Variants in SMIM23 observed in about 807,000 individuals in gnomAD.
The protein encoded by SMIM23 is small integral membrane protein 23, also known as CTB-78H18.1.
In SMIM23, 10 loss-of-function variants were observed where a neutral mutation model predicts 12.8. The ratio of observed to expected loss-of-function variants is 0.78; its 90% CI spans 0.48 to 1.32. The LOEUF (loss-of-function observed/expected upper bound fraction) is 1.32, where lower values mean the gene tolerates loss of function less well. Among genes scored for constraint, SMIM23 ranks in the 40% most tolerant of loss-of-function variants. SMIM23 has a pLI of 0.00. For synonymous variants in SMIM23, 78 were observed against 80.1 expected, an observed-to-expected ratio of 0.97 and a Z score of 0.14; for missense variants, 184 against 198.2, an observed-to-expected ratio of 0.93 and a Z score of 0.43.
At chr5:171,789,037 G>T (rs768831211) in intron 1 of SMIM23, among the ~76,000 whole-genome samples, 20 of 152,150 alleles carry the variant, frequency 1.3e-4, no homozygotes, top group South Asian at 1.0e-3. Context: ...ACGGGGTTTC[G>T]CCATGTTGGC....
the SMIM23 span, among the ~76,000 whole-genome samples, chr5:171,777,089 A>T: frequency 1.3e-5 from 2 of 151,548 alleles, no homozygotes; most frequent in African/African-American, 4.9e-5. Flanking sequence ...CTCAGAGCCC[A>T]AAGTATTCTG....
At chr5:171,781,541 C>A (rs1003661095), upstream of SMIM23, among the ~76,000 whole-genome samples, 16 of 149,694 alleles carry the variant, frequency 1.1e-4, no homozygotes, top group Admixed American at 9.9e-4. Flanking sequence ...AGAAGTGCCC[C>A]CCCCCGTCTC....
At position 171,790,881 on chromosome 5, in the gene SMIM23, G is replaced by A. The variant is rs575616528; in HGVS notation, c.312G>A (p.Ser104=). 2.7e-5 allele frequency: 42 copies of A among 1,536,038 alleles called. No homozygotes were observed. Among genetic ancestry groups the A allele is most frequent in the Admixed American group, 7.8e-5 (4 of 50,980 alleles). The change falls in exon 4 of 4, where the codon TCG becomes TCA. Residue 104 remains serine (S), a synonymous_variant. Transcript: ENST00000523047. ...TGAAGGAGAAGTTGCATGTCTTCTCGGAGAAGTTAGAGGAAGAGGTGCAGC... is the reference window on the plus strand; with the variant it reads ...TGAAGGAGAAGTTGCATGTCTTCTCAGAGAAGTTAGAGGAAGAGGTGCAGC... ...NWLKEKLHVF[S]EKLEEEVQQL... is the part of the protein sequence containing the mutation.
At chr5:171,774,875 T>C in the SMIM23 span, 1 of 329,828 alleles carries the variant, frequency 3.0e-6, no homozygotes, top group Non-Finnish European at 5.9e-6. Flanking sequence ...TTTATTAACG[T>C]GGCCTGAAAT....
At chr5:171,784,005 C>T (rs1202640385), upstream of SMIM23, among the ~76,000 whole-genome samples, 1 of 151,852 alleles carries the variant, frequency 6.6e-6, no homozygotes, top group Non-Finnish European at 1.5e-5. Flanking sequence ...ACTTTGGGAG[C>T]CCGAGGTGGG....
chr5:171,781,817 G>A (rs13362394), upstream of SMIM23, among the ~76,000 whole-genome samples: 10,100 of 152,194 alleles, frequency 0.066, 851 homozygotes, highest in African/African-American at 0.19. Flanking sequence ...GAAATTTTCT[G>A]TCTAGCTAGA....
the SMIM23 span, among the ~76,000 whole-genome samples, chr5:171,772,655 C>T: frequency 2.6e-5 from 4 of 152,146 alleles, no homozygotes; most frequent in Non-Finnish European, 5.9e-5. Context: ...AGCGAGGCAG[C>T]GAGACTCCTG....
chr5:171,787,779 C>A (rs1315840302), intron 1 of SMIM23, among the ~76,000 whole-genome samples: 1 of 152,230 alleles, frequency 6.6e-6, no homozygotes, highest in Non-Finnish European at 1.5e-5. Flanking sequence ...TGGCATCCCA[C>A]CCTTCATAGC....
upstream of SMIM23, among the ~76,000 whole-genome samples, chr5:171,780,554 A>AT (rs978090326): frequency 6.6e-6 from 1 of 152,014 alleles, no homozygotes; most frequent in Admixed American, 6.5e-5. Flanking sequence ...TGTGACTGTA[A>AT]TTTTTTTTAC....
chr5:171,785,967 C>G lies in SMIM23; in HGVS notation c.96C>G (p.Asp32Glu). 1 of 1,536,324 alleles carries G rather than the reference C, an allele frequency of 6.5e-7. No homozygotes were observed. Among genetic ancestry groups the G allele is most frequent in the Non-Finnish European group, 8.7e-7 (1 of 1,146,892 alleles). The change falls in exon 1 of 4, where the codon GAC (aspartate) becomes GAG (glutamate). Residue 32 changes from aspartate (D) to glutamate (E), a missense_variant. By Grantham distance (45) the Asp-to-Glu change is conservative (BLOSUM62 2). Transcript: ENST00000523047. ...GGAGAAGGGGCAGCCACTGTGATGA[C>G]GAGAAGCAGGTGAGGCCAGGCCAGG... ...LERRRGSHCD[D>E]EKQTLLALLI...
chr5:171,786,667 A>G (rs186918628), intron 1 of SMIM23, among the ~76,000 whole-genome samples: 1 of 152,302 alleles, frequency 6.6e-6, no homozygotes, highest in Non-Finnish European at 1.5e-5. Context: ...TGTTTTCAAA[A>G]GACTTGTTCA....
upstream of SMIM23, among the ~76,000 whole-genome samples, chr5:171,778,739 T>C (rs370486706): frequency 3.2e-4 from 49 of 152,360 alleles, 1 homozygote; most frequent in South Asian, 9.5e-3. Context: ...CAGTTTGTAA[T>C]AATTCATTAT....
At position 171,790,949 on chromosome 5, in the gene SMIM23, CTCT is replaced by C; in HGVS notation, c.384_386del (p.Leu129del). On this transcript the variant is annotated inframe_deletion, in exon 4 of 4. Coordinates refer to ENST00000523047, the MANE Select transcript of SMIM23 (RefSeq NM_001289970.2). ...TGGGACCTGGAACTGTGGCTGGATG[CTCT>C]TCTGGGAGAGCCACACCAGGAGGAG... is the stretch of plus-strand genomic sequence containing the variant. The C allele has an allele frequency of 6.5e-7, 1 of 1,536,076 alleles. No individual in the cohort carries two copies. The highest frequency in any genetic ancestry group is 8.7e-7 in the Non-Finnish European group (1 of 1,146,924).
chr5:171,781,573 C>A (rs1333926770), upstream of SMIM23, among the ~76,000 whole-genome samples: 1 of 152,008 alleles, frequency 6.6e-6, no homozygotes, highest in African/African-American at 2.4e-5. Context: ...TTCTTTCTCC[C>A]TTTTTGCCTA....
the SMIM23 span, chr5:171,774,513 T>A: frequency 2.2e-6 from 1 of 456,192 alleles, no homozygotes; most frequent in South Asian, 1.5e-5. Context: ...GATCCTGGAT[T>A]TCAGCAGTCC....
At chr5:171,780,131 G>A (rs1292585162), upstream of SMIM23, among the ~76,000 whole-genome samples, 1 of 152,108 alleles carries the variant, frequency 6.6e-6, no homozygotes, top group Non-Finnish European at 1.5e-5. Context: ...TATTAGGTTT[G>A]GGGCAGATTT....
upstream of SMIM23, among the ~76,000 whole-genome samples, chr5:171,778,033 C>G (rs892589391): frequency 6.6e-6 from 1 of 152,210 alleles, no homozygotes; most frequent in African/African-American, 2.4e-5. Flanking sequence ...CAAAATAGGA[C>G]TTTGCAGATG....
At chr5:171,775,222 C>T in the SMIM23 span, among the ~76,000 whole-genome samples, 1 of 152,194 alleles carries the variant, frequency 6.6e-6, no homozygotes, top group Admixed American at 6.5e-5. Flanking sequence ...GGCCCTTGGC[C>T]ACCTTCTTTC....
the SMIM23 span, chr5:171,773,650 C>A: frequency 7.8e-6 from 3 of 383,560 alleles, no homozygotes; most frequent in Non-Finnish European, 5.0e-6. Flanking sequence ...AAGACTCAAG[C>A]CAGATGCCCT....
Sources: allele counts gnomAD v4.1 joint callset (sites outside exome capture counted in the v4.1 genomes callset), GRCh38; gene constraint gnomAD v4.1.1; transcripts MANE v1.5; gene names NCBI Gene and HGNC (gene_info 2026-07-23, HGNC 2026-07-21).